Variants in GALNT15 observed in about 807,000 individuals in gnomAD.
GALNT15 encodes polypeptide N-acetylgalactosaminyltransferase 15.
A neutral mutation model predicts 66.8 loss-of-function variants in GALNT15; 67 were observed. The ratio of observed to expected loss-of-function variants is 1.00; its 90% confidence interval spans 0.82 to 1.23. GALNT15 has a LOEUF of 1.23. GALNT15 is among the 50% of genes most tolerant of loss of function. The pLI is 0.00. For missense variants in GALNT15, 827 were observed against 804.3 expected (o/e 1.03, Z -0.34); for synonymous variants, 313 against 311.5 (o/e 1.00, Z -0.05).
Position 16,206,400 on chromosome 3 carries a change from G to A in GALNT15, c.912-2103G>A, listed in dbSNP as rs965782202. On this transcript the variant is annotated intron_variant, in intron 3 of 9. Transcript: ENST00000339732. Reference sequence around the variant, plus strand: ...ATTTAAAAAAAAAAAAAGGCCGGGCGCGATGGTTCACGCCTGTAATCCCCA... The same window carrying A: ...ATTTAAAAAAAAAAAAAGGCCGGGCACGATGGTTCACGCCTGTAATCCCCA... Among the ~76,000 whole-genome samples the A allele has an allele frequency of 1.0e-4, 15 of 150,598 alleles. No homozygotes were observed. In the East Asian group the frequency reaches 1.2e-3, roughly 12 times the overall value.
chr3:16,175,260 C>A lies in GALNT15; in HGVS notation c.109C>A (p.His37Asn). The change falls in exon 1 of 10, where the codon CAC (histidine) becomes AAC (asparagine). Residue 37 changes from histidine (H) to asparagine (N), a missense_variant. Coordinates refer to ENST00000339732, the MANE Select transcript of GALNT15 (RefSeq NM_054110.5). The surrounding 1 kb of genome is among the most constrained non-coding windows in gnomAD (Gnocchi z 5.6). ...GATGGTGGCGATGTTGCACCCTCCCCACCACACCCTGCACCAGACTGTCAC... is the reference window on the plus strand; with the variant it reads ...GATGGTGGCGATGTTGCACCCTCCCAACCACACCCTGCACCAGACTGTCAC... ...LMMVAMLHPP[H>N]HTLHQTVTAQ... 6.2e-7 allele frequency: 1 copy of A among 1,614,182 alleles called. No individual in the cohort carries two copies. The highest frequency in any genetic ancestry group is 1.3e-5 in the African/African-American group (1 of 75,044).
rs1163914117 is a variant in GALNT15 at position 16,188,609 on chromosome 3, C to A, written c.540-7151C>A. Among the ~76,000 whole-genome samples the A allele has an allele frequency of 2.0e-5, 3 of 152,152 alleles. No homozygotes were observed. The highest frequency in any genetic ancestry group is 7.2e-5 in the African/African-American group (3 of 41,426). ...TCAAACCTGAACAAAGGGGTTGGAG[C>A]ACTAGGAGGGGATGGTGTAGATGCA... On this transcript the variant is annotated intron_variant, in intron 1 of 9. Transcript: ENST00000339732. The surrounding 1 kb of genome is among the most constrained non-coding windows in gnomAD (Gnocchi z 4.6).
At position 16,202,966 on chromosome 3, in the gene GALNT15, C is replaced by G. The variant is rs76558824; in HGVS notation, c.911+2143C>G. On this transcript the variant is annotated intron_variant, in intron 3 of 9. Coordinates refer to ENST00000339732, the MANE Select transcript of GALNT15 (RefSeq NM_054110.5). The stretch of plus-strand genomic sequence containing the variant: ...AGACATTTAGAAATGCAGTAATTAA[C>G]ATCATTAAACTTTATGTATGTGTAA... 3.3e-3 allele frequency among the ~76,000 whole-genome samples: 508 copies of G among 152,362 alleles called. 2 individuals carry two copies. The highest frequency in any genetic ancestry group is 6.4e-3 in the Non-Finnish European group (436 of 68,036).
Position 16,229,974 on chromosome 3 carries a change from A to G in GALNT15, c.*2474A>G, listed in dbSNP as rs141930088. On this transcript the variant is annotated 3_prime_UTR_variant, in exon 10 of 10. Transcript: ENST00000339732. ...CTAGAAGGACCTTCTCCTTTAGTGT[A>G]ACCAAGTGTTCAAATTCCCTTCTTC... 6.6e-6 allele frequency among the ~76,000 whole-genome samples: 1 copy of G among 152,314 alleles called. No individual in the cohort carries two copies. Among genetic ancestry groups the G allele is most frequent in the African/African-American group, 2.4e-5 (1 of 41,566 alleles).
At chr3:16,231,363 G>C (rs1018014385), downstream of GALNT15, among the ~76,000 whole-genome samples, 3 of 152,140 alleles carry the variant, frequency 2.0e-5, no homozygotes, top group South Asian at 6.2e-4. The surrounding 1 kb of genome is among the most constrained non-coding windows in gnomAD (Gnocchi z 4.1). Flanking sequence ...CTTCTTTCCA[G>C]TTCCAACTCC....
At position 16,228,728 on chromosome 3, in the gene GALNT15, A is replaced by AT; in HGVS notation, c.*1228_*1229insT. ...GCAGAAACAGCAACCTTTCTAAAAA[A>AT]GCAAACCTTTTTCCTGGGAGGAAAA... is the stretch of plus-strand genomic sequence containing the variant. On this transcript the variant is annotated 3_prime_UTR_variant, in exon 10 of 10. Transcript: ENST00000339732. 1.0e-6 allele frequency: 1 copy of AT among 985,334 alleles called. No homozygotes were observed. Among genetic ancestry groups the AT allele is most frequent in the Admixed American group, 6.2e-5 (1 of 16,260 alleles). 61.0% of individuals were successfully genotyped at this position (985,334 alleles called of 1,614,324 possible).
At position 16,229,100 on chromosome 3, in the gene GALNT15, A is replaced by G. The variant is rs892612549; in HGVS notation, c.*1600A>G. 1.0e-6 allele frequency: 1 copy of G among 985,430 alleles called. No individual in the cohort carries two copies. The highest frequency in any genetic ancestry group is 1.2e-6 in the Non-Finnish European group (1 of 829,928). The allele number at this position is 985,430 out of a possible 1,614,324, so 61.0% of individuals were successfully genotyped here. On this transcript the variant is annotated 3_prime_UTR_variant, in exon 10 of 10. Transcript: ENST00000339732. ...TCAGCTTAGAAATCTTCCCCTAAAG[A>G]TGCTAATCTCCTTTGGGCTGTCTCA...
At chr3:16,221,379 C>T (rs1334707741) in intron 8 of GALNT15, among the ~76,000 whole-genome samples, 1 of 151,064 alleles carries the variant, frequency 6.6e-6, no homozygotes, top group East Asian at 1.9e-4. Flanking sequence ...ATATGAAACA[C>T]CCTTTTTCAT....
At chr3:16,238,294 A>G in the GALNT15 span, among the ~76,000 whole-genome samples, 1 of 149,010 alleles carries the variant, frequency 6.7e-6, no homozygotes, top group Non-Finnish European at 1.5e-5. This position sits in a 1 kb window ranked among gnomAD's most constrained non-coding sequence, Gnocchi z 4.8. Context: ...CTGTGACCAA[A>G]CATATGTATT....
chr3:16,190,637 C>CAAAAAAAAA (rs34205852), intron 1 of GALNT15, among the ~76,000 whole-genome samples: 6 of 98,612 alleles, frequency 6.1e-5, no homozygotes, highest in Non-Finnish European at 1.0e-4. Flanking sequence ...GACTCCGTAT[C>CAAAAAAAAA]AAAAAAAAAA....
chr3:16,199,112 C>G (rs2063672800), intron 2 of GALNT15, among the ~76,000 whole-genome samples: 1 of 142,056 alleles, frequency 7.0e-6, no homozygotes, highest in Non-Finnish European at 1.6e-5. Flanking sequence ...CTCCCCATTT[C>G]CAAGACTTCA....
At chr3:16,248,123 GTT>G in the GALNT15 span, among the ~76,000 whole-genome samples, 481 of 152,256 alleles carry the variant, frequency 3.2e-3, 1 homozygote, top group African/African-American at 0.011. The surrounding 1 kb of genome is among the most constrained non-coding windows in gnomAD (Gnocchi z 4.9). Context: ...TCAAGCTACT[GTT>G]CACTGCCTCC....
Position 16,181,488 on chromosome 3 carries a change from G to C in GALNT15, c.539+5798G>C, listed in dbSNP as rs946509450. ...CAGAGGGAAGGGCAGGGGCGGGAGA[G>C]TCGCCTTGGCTGCAGCTTTGTTGTC... is the stretch of plus-strand genomic sequence containing the variant. On this transcript the variant is annotated intron_variant, in intron 1 of 9. Transcript: ENST00000339732. This position sits in a 1 kb window ranked among gnomAD's most constrained non-coding sequence, Gnocchi z 5.9. Among the ~76,000 whole-genome samples, 1 of 151,992 alleles carries C rather than the reference G, an allele frequency of 6.6e-6. No individual in the cohort carries two copies. Among genetic ancestry groups the C allele is most frequent in the Non-Finnish European group, 1.5e-5 (1 of 68,006 alleles).
Position 16,200,917 on chromosome 3 carries a change from C to G in GALNT15, c.911+94C>G. ...TCACAGAGCAACCCACCTATTAATT[C>G]CTGAATCTCCATTAGAGAGTGATAT... On this transcript the variant is annotated intron_variant, in intron 3 of 9. Coordinates refer to ENST00000339732, the MANE Select transcript of GALNT15 (RefSeq NM_054110.5). The surrounding 1 kb of genome is among the most constrained non-coding windows in gnomAD (Gnocchi z 4.4). 1.1e-6 allele frequency: 1 copy of G among 911,172 alleles called. No individual in the cohort carries two copies. Among genetic ancestry groups the G allele is most frequent in the South Asian group, 1.8e-5 (1 of 54,120 alleles). The allele number at this position is 911,172 out of a possible 1,614,324, so 56.4% of individuals were successfully genotyped here.
the GALNT15 span, among the ~76,000 whole-genome samples, chr3:16,240,616 A>G: frequency 6.6e-6 from 1 of 152,254 alleles, no homozygotes; most frequent in Non-Finnish European, 1.5e-5. Flanking sequence ...TGCCCAGCTT[A>G]TAGTGATCCT....
Position 16,175,203 on chromosome 3 carries a change from C to T in GALNT15, c.52C>T (p.Leu18=). 1 of 1,614,210 alleles carries T rather than the reference C, an allele frequency of 6.2e-7. No individual in the cohort carries two copies. Among genetic ancestry groups the T allele is most frequent in the Non-Finnish European group, 8.5e-7 (1 of 1,180,046 alleles). Residue 18 remains leucine, a synonymous_variant, in exon 1 of 10, where the codon CTG becomes TTG. Coordinates refer to ENST00000339732, the MANE Select transcript of GALNT15 (RefSeq NM_054110.5). The surrounding 1 kb of genome is among the most constrained non-coding windows in gnomAD (Gnocchi z 5.6). ...CAGACCATGCAGACTCCAGTTCCTC[C>T]TGCTGCTCCTGATGCTGGGATGCGT... is the stretch of plus-strand genomic sequence containing the variant. ...RHRPCRLQFL[L]LLLMLGCVLM...
chr3:16,220,016 T>C lies in GALNT15; in HGVS notation c.1629+2T>C. The C allele has an allele frequency of 6.2e-7, 1 of 1,612,046 alleles. No homozygotes were observed. The highest frequency in any genetic ancestry group is 8.5e-7 in the Non-Finnish European group (1 of 1,178,126). ...TGCAGTGACAGCCGGCAGCAACAGG[T>C]GGGTAGTCAGACTTCTCAGGATGGA... is the stretch of plus-strand genomic sequence containing the variant. On this transcript the variant is annotated splice_donor_variant, in intron 8 of 9. Transcript: ENST00000339732. LOFTEE classifies it high-confidence loss of function.
the GALNT15 span, among the ~76,000 whole-genome samples, chr3:16,237,884 C>G: frequency 2.0e-5 from 3 of 152,286 alleles, no homozygotes; most frequent in South Asian, 6.2e-4. This position sits in a 1 kb window ranked among gnomAD's most constrained non-coding sequence, Gnocchi z 4.2. Flanking sequence ...ACGCAATGGC[C>G]TCACCCCTCA....
rs1319756177 is a variant in GALNT15, at chr3:16,227,291, T to C, written c.1774-63T>C. ...ATGATTAGCACAAATCTTAAAAATA[T>C]TTTCTTTTGCTGACTGATTGTGGGG... On this transcript the variant is annotated intron_variant, in intron 9 of 9. Transcript: ENST00000339732. The surrounding 1 kb of genome is among the most constrained non-coding windows in gnomAD (Gnocchi z 4.5). 4 of 1,532,926 alleles carry C rather than the reference T, an allele frequency of 2.6e-6. No individual in the cohort carries two copies. Among genetic ancestry groups the C allele is most frequent in the Non-Finnish European group, 1.8e-6 (2 of 1,132,554 alleles). 95.0% of individuals were successfully genotyped at this position (1,532,926 alleles called of 1,614,324 possible).
Sources: gnomAD v4.1 joint callset for allele counts (sites outside exome capture counted in the v4.1 genomes callset) on GRCh38, gnomAD v4.1.1 for gene constraint, Gnocchi (gnomAD v3.1) non-coding constraint, MANE v1.5 for transcripts, NCBI Gene and HGNC (gene_info 2026-07-23, HGNC 2026-07-21) for gene names.